Variants in SUPT3H observed in about 807,000 individuals in gnomAD.
SUPT3H encodes SPT3 homolog, SAGA and STAGA complex component, also known as transcription initiation protein SPT3 homolog.
Under a neutral mutation model 44.3 loss-of-function variants are expected in SUPT3H, and 44 were observed. The ratio of observed to expected loss-of-function variants is 0.99; its 90% CI spans 0.78 to 1.28. SUPT3H has a LOEUF of 1.28. Ranked by LOEUF, SUPT3H falls within the 50% of genes most tolerant of loss-of-function variation. The probability of loss-of-function intolerance (pLI) is 0.00; values close to 1 mark genes in which losing one functional copy is unlikely to be tolerated. For synonymous variants in SUPT3H, 124 were observed against 125.6 expected (o/e 0.99, Z 0.09); for missense variants, 380 against 387.1 (o/e 0.98, Z 0.15).
At chr6:45,012,844 G>C (rs1315067340) in intron 5 of SUPT3H, among the ~76,000 whole-genome samples, 3 of 152,098 alleles carry the variant, frequency 2.0e-5, no homozygotes, top group Non-Finnish European at 4.4e-5. Flanking sequence ...TGACTTGGCT[G>C]AACTAGTACA....
chr6:45,290,054 C>A (rs1780065631), intron 2 of SUPT3H, among the ~76,000 whole-genome samples: 2 of 152,028 alleles, frequency 1.3e-5, no homozygotes, highest in Admixed American at 1.3e-4. Context: ...GTGACACACA[C>A]CTGTAGTCCC....
intron 10 of SUPT3H, among the ~76,000 whole-genome samples, chr6:44,849,290 G>A (rs1308515008): frequency 5.5e-5 from 8 of 144,398 alleles, no homozygotes; most frequent in Non-Finnish European, 9.0e-5. Context: ...GCAGTGGCGG[G>A]ATCTCGGCTC....
chr6:45,068,099 G>T (rs1254643029), intron 3 of SUPT3H, among the ~76,000 whole-genome samples: 78 of 145,624 alleles, frequency 5.4e-4, no homozygotes, highest in Admixed American at 9.6e-4. Flanking sequence ...TTAAGAAAAT[G>T]TGGCACATAT....
intron 6 of SUPT3H, among the ~76,000 whole-genome samples, chr6:44,992,864 A>G (rs1400404301): frequency 9.9e-5 from 15 of 152,166 alleles, no homozygotes. Context: ...GAAATGTTAG[A>G]GAATGATTAA....
intron 2 of SUPT3H, among the ~76,000 whole-genome samples, chr6:45,113,813 G>C (rs1245219676): frequency 7.7e-6 from 1 of 130,326 alleles, no homozygotes; most frequent in African/African-American, 3.1e-5. Context: ...CTGGGCGACA[G>C]AGCAAGACTC....
intron 2 of SUPT3H, among the ~76,000 whole-genome samples, chr6:45,282,927 C>T (rs921690946): frequency 6.6e-5 from 10 of 152,124 alleles, no homozygotes; most frequent in African/African-American, 1.7e-4. Flanking sequence ...TGGGGGCCAA[C>T]ATTCAACATT....
chr6:45,171,525 T>A (rs1326708057), intron 2 of SUPT3H, among the ~76,000 whole-genome samples: 1 of 152,120 alleles, frequency 6.6e-6, no homozygotes, highest in Non-Finnish European at 1.5e-5. Context: ...ACCACCATGG[T>A]ATTTTCATGC....
In SUPT3H at chr6:44,828,181, TAAA is replaced by T. The variant is rs1767979659; in HGVS notation, c.*1632_*1634del. The stretch of plus-strand genomic sequence containing the variant: ...ACCAAATACAATAAATGCTATCGTT[TAAA>T]AGTTAAGTTAAGTTAGGATGTTTAC... On this transcript the variant is annotated 3_prime_UTR_variant, in exon 11 of 11. Coordinates refer to ENST00000371459, the MANE Select transcript of SUPT3H (RefSeq NM_003599.4). Among the ~76,000 whole-genome samples, 2 of 124,302 alleles carry T rather than the reference TAAA, an allele frequency of 1.6e-5. No individual in the cohort carries two copies. The highest frequency in any genetic ancestry group is 5.6e-5 in the African/African-American group (2 of 35,974). The allele number at this position is 124,302 out of a possible 152,430, so 81.5% of individuals were successfully genotyped here. A position where few individuals can be genotyped will look rare whatever the true frequency, so the allele number is the denominator to read the frequency against.
chr6:45,110,505 T>C (rs1799889365), intron 2 of SUPT3H, among the ~76,000 whole-genome samples: 1 of 152,070 alleles, frequency 6.6e-6, no homozygotes, highest in South Asian at 2.1e-4. Context: ...AATAAACGTC[T>C]AGTCATTTTG....
At chr6:45,296,601 T>C (rs1584772724) in intron 2 of SUPT3H, among the ~76,000 whole-genome samples, 1 of 151,526 alleles carries the variant, frequency 6.6e-6, no homozygotes, top group East Asian at 1.9e-4. Context: ...TAGCGAGGCG[T>C]GGTGGCACAT....
At chr6:45,158,079 A>G in intron 2 of SUPT3H, among the ~76,000 whole-genome samples, 1 of 146,376 alleles carries the variant, frequency 6.8e-6, no homozygotes, top group Non-Finnish European at 1.5e-5. Flanking sequence ...TATAATTTAT[A>G]ATTAATATAT....
intron 2 of SUPT3H, among the ~76,000 whole-genome samples, chr6:45,193,427 A>T (rs2153620657): frequency 6.6e-6 from 1 of 152,314 alleles, no homozygotes; most frequent in South Asian, 2.1e-4. Context: ...ATGTCAAGAA[A>T]AAGCTTCTGT....
intron 5 of SUPT3H, among the ~76,000 whole-genome samples, chr6:45,008,341 T>C (rs911216254): frequency 2.6e-5 from 4 of 152,104 alleles, no homozygotes; most frequent in African/African-American, 9.7e-5. Flanking sequence ...ACAGCACTTG[T>C]TATTATCATT....
chr6:45,125,368 AT>A (rs919241853), intron 2 of SUPT3H, among the ~76,000 whole-genome samples: 4 of 151,818 alleles, frequency 2.6e-5, no homozygotes, highest in African/African-American at 4.8e-5. Flanking sequence ...ACTACCAAAC[AT>A]TTTTTTTCTA....
intron 2 of SUPT3H, among the ~76,000 whole-genome samples, chr6:45,180,595 C>T (rs1377467434): frequency 1.3e-5 from 2 of 151,250 alleles, no homozygotes; most frequent in Non-Finnish European, 2.9e-5. Context: ...TTTGACAAAC[C>T]TGAGAAAAAC....
chr6:45,326,703 G>A lies in SUPT3H; in HGVS notation c.101+38498C>T, dbSNP rs570138256. On this transcript the variant is annotated intron_variant, in intron 2 of 10. Transcript: ENST00000371459. ...TCAAATTTTCTGTAAAGAAACTTAT[G>A]AACATATTTGTACAGTTATTGTGAT... Among the ~76,000 whole-genome samples the A allele has an allele frequency of 1.1e-4, 17 of 151,938 alleles. No individual in the cohort carries two copies. The East Asian group carries it at 3.3e-3, about 29-fold the overall frequency.
At chr6:45,145,830 A>G (rs1005660781) in intron 2 of SUPT3H, among the ~76,000 whole-genome samples, 2 of 152,140 alleles carry the variant, frequency 1.3e-5, no homozygotes, top group Non-Finnish European at 2.9e-5. Context: ...AAAAAAGCAA[A>G]CAATCCCATC....
intron 2 of SUPT3H, among the ~76,000 whole-genome samples, chr6:45,167,618 T>G (rs965199831): frequency 7.2e-5 from 11 of 152,086 alleles, no homozygotes; most frequent in Admixed American, 6.6e-4. Flanking sequence ...TCTTAGGAAT[T>G]TCACTCAATG....
At chr6:44,856,284 T>C (rs920901726) in intron 10 of SUPT3H, among the ~76,000 whole-genome samples, 16 of 152,182 alleles carry the variant, frequency 1.1e-4, no homozygotes, top group African/African-American at 2.4e-5. Context: ...GGCCACTGCA[T>C]CTTTAAGACA....
Sources: gnomAD v4.1 joint callset for allele counts (sites outside exome capture counted in the v4.1 genomes callset) on GRCh38, gnomAD v4.1.1 for gene constraint, MANE v1.5 for transcripts, NCBI Gene and HGNC (gene_info 2026-07-23, HGNC 2026-07-21) for gene names.